Variants in TEX11 observed in about 807,000 individuals in gnomAD.
TEX11 encodes testis expressed 11.
In TEX11, 7 loss-of-function variants were observed where a neutral mutation model predicts 84.4. The observed-to-expected ratio is 0.08, with a 90% confidence interval of 0.05 to 0.16. TEX11 has a LOEUF of 0.16. Ranked by LOEUF, TEX11 falls within the 10% of genes least tolerant of loss-of-function variation. The pLI is 1.00. For missense variants in TEX11, 551 were observed against 660.5 expected (o/e 0.83, Z 1.82); for synonymous variants, 264 against 222.8 (o/e 1.18, Z -1.64).
chrX:70,692,138 T>C (rs1323563271), intron 13 of TEX11, among the ~76,000 whole-genome samples: 6 of 111,894 alleles, frequency 5.4e-5, no homozygotes, highest in African/African-American at 1.9e-4. Context: ...CAATAAACAC[T>C]GCACATGTTT....
chrX:70,661,421 C>T (rs1020256816), intron 16 of TEX11, among the ~76,000 whole-genome samples: 9 of 112,637 alleles, frequency 8.0e-5, no homozygotes, highest in African/African-American at 2.9e-4. Context: ...AGGAGGCCTG[C>T]CTGCCTCTGT....
At chrX:70,605,138 T>C (rs1474347454) in intron 24 of TEX11, among the ~76,000 whole-genome samples, 1 of 111,496 alleles carries the variant, frequency 9.0e-6, no homozygotes, top group Non-Finnish European at 1.9e-5. Flanking sequence ...ATAAAAGATA[T>C]TTAAAAACAT....
intron 7 of TEX11, among the ~76,000 whole-genome samples, chrX:70,841,369 C>A (rs897346089): frequency 9.0e-6 from 1 of 111,212 alleles, no homozygotes; most frequent in African/African-American, 3.3e-5. Flanking sequence ...ACAACCTGCT[C>A]CTGAATGACT....
In TEX11 at chrX:70,554,882, G is replaced by A. The variant is rs1395346316; in HGVS notation, c.2141-82C>T. 6.7e-6 allele frequency: 6 copies of A among 900,868 alleles called. No homozygotes were observed. In the African/African-American group the frequency reaches 1.2e-4, roughly 19 times the overall value. The allele number at this position is 900,868 out of a possible 1,213,427, so 74.2% of individuals were successfully genotyped here. ...GGTTGTAATTTCACTAACTGGAGAG[G>A]TTTTCCTTCTAAGAAATATTAATTT... On this transcript the variant is annotated intron_variant, in intron 25 of 29. Coordinates refer to ENST00000374333, the MANE Select transcript of TEX11 (RefSeq NM_031276.3).
chrX:70,723,977 ATGAC>A, intron 12 of TEX11: 1 of 490,763 alleles, frequency 2.0e-6, no homozygotes, highest in Non-Finnish European at 2.5e-6. Flanking sequence ...TAATCAAACT[ATGAC>A]TGACATTGCA....
chrX:70,877,163 G>A (rs188978557), intron 3 of TEX11, among the ~76,000 whole-genome samples: 35 of 109,785 alleles, frequency 3.2e-4, no homozygotes, highest in African/African-American at 1.1e-3. Flanking sequence ...GTGTGGTGGC[G>A]CCTGCCTGTA....
At chrX:70,805,933 G>C (rs978614982) in intron 9 of TEX11, among the ~76,000 whole-genome samples, 1 of 111,407 alleles carries the variant, frequency 9.0e-6, no homozygotes, top group Non-Finnish European at 1.9e-5. Flanking sequence ...TCTTAGTATA[G>C]TACTCAGCAT....
the TEX11 span, among the ~76,000 whole-genome samples, chrX:70,522,834 C>T: frequency 7.3e-5 from 8 of 110,214 alleles, no homozygotes; most frequent in Admixed American, 1.9e-4. Context: ...TGAGCCACCG[C>T]GCCTGGCCGA....
At chrX:70,794,841 T>C (rs1238147199) in intron 9 of TEX11, among the ~76,000 whole-genome samples, 1 of 108,816 alleles carries the variant, frequency 9.2e-6, no homozygotes, top group African/African-American at 3.3e-5. Context: ...GTGCATACCA[T>C]AGATGGGCCT....
At chrX:70,678,440 G>A (rs754845504) in intron 15 of TEX11, among the ~76,000 whole-genome samples, 94 of 94,404 alleles carry the variant, frequency 1.0e-3, no homozygotes, top group Non-Finnish European at 1.6e-3. Flanking sequence ...TAGGTTTACA[G>A]GAAACCTGAG....
At chrX:70,575,936 T>A (rs907460314) in intron 25 of TEX11, among the ~76,000 whole-genome samples, 1 of 112,250 alleles carries the variant, frequency 8.9e-6, no homozygotes, top group Non-Finnish European at 1.9e-5. Context: ...CCTATTAGTA[T>A]AGTTATTTCA....
chrX:70,529,821 C>T lies in TEX11; in HGVS notation c.2685+14G>A. On this transcript the variant is annotated intron_variant, in intron 29 of 29. Coordinates refer to ENST00000374333, the MANE Select transcript of TEX11 (RefSeq NM_031276.3). ...CTAGGTCATGTCATCTGCCCTAGCCCTCTCCCTCCTTACCTGAGTTTCATA... is the reference window on the plus strand; with the variant it reads ...CTAGGTCATGTCATCTGCCCTAGCCTTCTCCCTCCTTACCTGAGTTTCATA... 3 of 1,200,689 alleles carry T rather than the reference C, an allele frequency of 2.5e-6. No individual in the cohort carries two copies. Among genetic ancestry groups the T allele is most frequent in the Non-Finnish European group, 3.4e-6 (3 of 889,851 alleles).
In TEX11 at chrX:70,583,078, G is replaced by A. The variant is rs374716430; in HGVS notation, c.2140+8673C>T. Among the ~76,000 whole-genome samples, 58 of 110,519 alleles carry A rather than the reference G, an allele frequency of 5.2e-4. 2 individuals carry two copies. The South Asian group carries it at 0.021, about 40-fold the overall frequency. On this transcript the variant is annotated intron_variant, in intron 25 of 29. Coordinates refer to ENST00000374333, the MANE Select transcript of TEX11 (RefSeq NM_031276.3). ...TAGGTAACCAAGTATTGTTTATTGG[G>A]CACTCATGATCCTATTTATTTATTT...
chrX:70,593,038 T>C (rs2088954283), intron 24 of TEX11, among the ~76,000 whole-genome samples: 1 of 105,013 alleles, frequency 9.5e-6, no homozygotes, highest in Non-Finnish European at 2.0e-5. Flanking sequence ...TGGGGCAATT[T>C]ATGCACAAGA....
chrX:70,671,910 T>TATATATATATATATATAC (rs57166359), intron 15 of TEX11, among the ~76,000 whole-genome samples: 86 of 67,926 alleles, frequency 1.3e-3, no homozygotes, highest in Middle Eastern at 0.01. Context: ...TATATATATA[T>TATATATATATATATATAC]ACACACACAC....
chrX:70,612,200 A>C (rs2089269105), intron 20 of TEX11, among the ~76,000 whole-genome samples: 1 of 110,734 alleles, frequency 9.0e-6, no homozygotes, highest in Admixed American at 9.7e-5. Flanking sequence ...ACATTACTAA[A>C]GGCCTATTTA....
chrX:70,545,316 C>T (rs1289406061), intron 28 of TEX11, among the ~76,000 whole-genome samples: 1 of 112,364 alleles, frequency 8.9e-6, no homozygotes, highest in Non-Finnish European at 1.9e-5. Context: ...TCTTTATCTC[C>T]TTATTGTATA....
At chrX:70,747,062 G>T (rs916460086) in intron 9 of TEX11, among the ~76,000 whole-genome samples, 1 of 111,791 alleles carries the variant, frequency 8.9e-6, no homozygotes, top group Non-Finnish European at 1.9e-5. Flanking sequence ...AAATCAAATC[G>T]ACCTCATACT....
intron 13 of TEX11, among the ~76,000 whole-genome samples, chrX:70,706,040 A>C (rs1424143376): frequency 9.0e-6 from 1 of 111,388 alleles, no homozygotes; most frequent in Non-Finnish European, 1.9e-5. Context: ...TCACAATAGG[A>C]AAGACTTGGA....
Sources: gnomAD v4.1 joint callset for allele counts (sites outside exome capture counted in the v4.1 genomes callset) on GRCh38, gnomAD v4.1.1 for gene constraint, MANE v1.5 for transcripts, NCBI Gene and HGNC (gene_info 2026-07-23, HGNC 2026-07-21) for gene names.